The following EXOC4 variants were observed in gnomAD, a reference collection of about 807,000 sequenced individuals.
EXOC4 encodes the protein SEC8-like 1.
A neutral mutation model predicts 107.2 loss-of-function variants in EXOC4; 71 were observed. That is an observed-to-expected ratio of 0.66 (90% confidence interval 0.55 to 0.81). The LOEUF (loss-of-function observed/expected upper bound fraction) is 0.81, where lower values mean the gene tolerates loss of function less well. Among genes scored for constraint, EXOC4 ranks in the 30% least tolerant of loss-of-function variants. The pLI is 0.00. For missense variants in EXOC4, 1,108 were observed against 1,189.6 expected (o/e 0.93, Z 1.01); for synonymous variants, 456 against 441.2 (o/e 1.03, Z -0.42).
chr7:133,355,071 T>G (rs1472243097), intron 5 of EXOC4, among the ~76,000 whole-genome samples: 1 of 152,184 alleles, frequency 6.6e-6, no homozygotes, highest in African/African-American at 2.4e-5. Flanking sequence ...GTAGAGGTTT[T>G]ATGGACTTTG....
At chr7:133,987,272 G>C (rs1284714060) in intron 14 of EXOC4, among the ~76,000 whole-genome samples, 2 of 152,044 alleles carry the variant, frequency 1.3e-5, no homozygotes, top group Non-Finnish European at 1.5e-5. Flanking sequence ...ACCAGCGTAG[G>C]CAACATAGCG....
chr7:133,455,727 T>C (rs76546322), intron 7 of EXOC4, among the ~76,000 whole-genome samples: 2 of 152,308 alleles, frequency 1.3e-5, no homozygotes, highest in East Asian at 3.9e-4. Flanking sequence ...ACTGCATATA[T>C]AATATGCATA....
intron 14 of EXOC4, among the ~76,000 whole-genome samples, chr7:133,939,915 A>G (rs1451694491): frequency 6.6e-6 from 1 of 152,196 alleles, no homozygotes; most frequent in Admixed American, 6.5e-5. Flanking sequence ...TCTCCCCTCT[A>G]GAAAAAGTCA....
chr7:133,787,956 T>C (rs113592606), intron 10 of EXOC4, among the ~76,000 whole-genome samples: 5 of 50,538 alleles, frequency 9.9e-5, no homozygotes, highest in Admixed American at 9.0e-4. Flanking sequence ...TGCATATATT[T>C]ATATATTTAT....
At chr7:133,835,264 C>A (rs1797894080) in intron 11 of EXOC4, among the ~76,000 whole-genome samples, 1 of 152,218 alleles carries the variant, frequency 6.6e-6, no homozygotes, top group Non-Finnish European at 1.5e-5. Flanking sequence ...GTTTATTTTG[C>A]CAAATTTAAG....
chr7:133,571,380 A>C (rs1471496922), intron 9 of EXOC4, among the ~76,000 whole-genome samples: 3 of 152,192 alleles, frequency 2.0e-5, no homozygotes, highest in Non-Finnish European at 4.4e-5. Flanking sequence ...AATTTATAAA[A>C]AAGAGAAATT....
In EXOC4 at chr7:133,799,847, A is replaced by T. The variant is rs567321924; in HGVS notation, c.1515-17478A>T. Among the ~76,000 whole-genome samples the T allele has an allele frequency of 1.5e-3, 229 of 152,310 alleles. 2 individuals carry two copies. The highest frequency in any genetic ancestry group is 5.2e-3 in the African/African-American group (216 of 41,572). On this transcript the variant is annotated intron_variant, in intron 10 of 17. Transcript: ENST00000253861. ...AGAAGGTATGGACTAGAGTTAGATC[A>T]TTTCTAGAGATGGGACTTGTTTGGA...
intron 14 of EXOC4, among the ~76,000 whole-genome samples, chr7:133,970,571 C>T (rs1271753526): frequency 6.6e-6 from 1 of 152,016 alleles, no homozygotes; most frequent in Non-Finnish European, 1.5e-5. Context: ...CAGCACAGTC[C>T]CTCACGGCTT....
At chr7:133,585,651 T>A (rs1462051661) in intron 9 of EXOC4, among the ~76,000 whole-genome samples, 3 of 151,540 alleles carry the variant, frequency 2.0e-5, no homozygotes, top group South Asian at 4.2e-4. Context: ...TAGCTGTCAG[T>A]ATGGAGCTTA....
intron 9 of EXOC4, among the ~76,000 whole-genome samples, chr7:133,572,393 A>G (rs1801042004): frequency 6.6e-6 from 1 of 152,216 alleles, no homozygotes; most frequent in Admixed American, 6.5e-5. Context: ...ACTGGAAAAG[A>G]TGACTGGAAC....
chr7:133,481,265 G>A (rs1489922014), intron 9 of EXOC4, among the ~76,000 whole-genome samples: 1 of 152,044 alleles, frequency 6.6e-6, no homozygotes, highest in Admixed American at 6.6e-5. Context: ...ATATCAGGAA[G>A]TAAATACTAA....
intron 7 of EXOC4, among the ~76,000 whole-genome samples, chr7:133,433,580 T>C (rs2150779118): frequency 6.6e-6 from 1 of 152,308 alleles, no homozygotes; most frequent in Middle Eastern, 3.4e-3. Flanking sequence ...GATATACTTG[T>C]TGTATGCTGC....
downstream of EXOC4, chr7:134,065,875 TATTATCTAA>T (rs1796168260): frequency 2.0e-5 from 3 of 152,178 alleles, no homozygotes; most frequent in South Asian, 6.2e-4. Context: ...AGGACACCCT[TATTATCTAA>T]GAGTGTGGGA....
intron 10 of EXOC4, among the ~76,000 whole-genome samples, chr7:133,660,033 C>T (rs1803401855): frequency 6.6e-6 from 1 of 152,192 alleles, no homozygotes; most frequent in South Asian, 2.1e-4. Flanking sequence ...AGCCACCAAC[C>T]TGCAGTGTCA....
At chr7:133,696,262 G>A (rs918908333) in intron 10 of EXOC4, among the ~76,000 whole-genome samples, 1 of 152,150 alleles carries the variant, frequency 6.6e-6, no homozygotes, top group African/African-American at 2.4e-5. Flanking sequence ...TGCAGAGATA[G>A]GCTGTAGCTG....
chr7:133,901,967 G>A (rs1348360151), intron 12 of EXOC4, among the ~76,000 whole-genome samples: 2 of 152,162 alleles, frequency 1.3e-5, no homozygotes, highest in East Asian at 3.9e-4. Flanking sequence ...ATTACCTTTG[G>A]AAACAAGATC....
chr7:133,787,228 A>G (rs1288029384), intron 10 of EXOC4, among the ~76,000 whole-genome samples: 1 of 136,570 alleles, frequency 7.3e-6, no homozygotes, highest in Non-Finnish European at 1.5e-5. Context: ...GTGCAGTGGC[A>G]GGATCATAGC....
intron 7 of EXOC4, among the ~76,000 whole-genome samples, chr7:133,402,312 G>C (rs911866688): frequency 6.6e-6 from 1 of 152,178 alleles, no homozygotes; most frequent in African/African-American, 2.4e-5. Flanking sequence ...GTTTCAAACA[G>C]GTATGAAGTC....
intron 10 of EXOC4, among the ~76,000 whole-genome samples, chr7:133,730,162 C>T (rs752641942): frequency 1.4e-5 from 2 of 146,130 alleles, no homozygotes; most frequent in Non-Finnish European, 3.0e-5. Context: ...CAAACAAAAC[C>T]GCACACTAGA....
Sources: allele counts gnomAD v4.1 joint callset (sites outside exome capture counted in the v4.1 genomes callset), GRCh38; gene constraint gnomAD v4.1.1; transcripts MANE v1.5; gene names NCBI Gene and HGNC (gene_info 2026-07-23, HGNC 2026-07-21).